LATS2: variants seen among roughly 807,000 people sequenced by gnomAD.
LATS2 encodes the protein large tumor suppressor kinase 2, also known as serine/threonine-protein kinase LATS2.
A neutral mutation model predicts 76.0 loss-of-function variants in LATS2; 24 were observed. That is an observed-to-expected ratio of 0.32 (90% confidence interval 0.23 to 0.44). The LOEUF (loss-of-function observed/expected upper bound fraction) is 0.44, where lower values mean the gene tolerates loss of function less well. Among genes scored for constraint, LATS2 ranks in the 20% least tolerant of loss-of-function variants. The pLI is 1.00. For missense variants in LATS2, 1,286 were observed against 1,481.2 expected, an observed-to-expected ratio of 0.87 and a Z score of 2.16; for synonymous variants, 692 against 635.4, an observed-to-expected ratio of 1.09 and a Z score of -1.34.
chr13:20,997,519 C>T (rs190932282), intron 2 of LATS2, among the ~76,000 whole-genome samples: 3 of 152,338 alleles, frequency 2.0e-5, no homozygotes, highest in Admixed American at 6.5e-5. Flanking sequence ...ACCCCAGCTC[C>T]AAACCTCCCC....
At chr13:21,045,514 C>T (rs533553782) in intron 2 of LATS2, among the ~76,000 whole-genome samples, 171 bp downstream of exon 2, 6 of 152,300 alleles carry the variant, frequency 3.9e-5, no homozygotes, top group South Asian at 4.1e-4. Flanking sequence ...GGTAGAGAAC[C>T]TTCAATTGTG....
At chr13:21,049,280 T>C (rs1158617596) in intron 1 of LATS2, among the ~76,000 whole-genome samples, 1 of 152,186 alleles carries the variant, frequency 6.6e-6, no homozygotes, top group South Asian at 2.1e-4. Context: ...TCACTGCCTA[T>C]GGTTCAGCTA....
rs571394727 is a variant in LATS2, at chr13:20,988,628, C to T, written c.1152G>A (p.Pro384=). Residue 384 remains proline, a synonymous_variant, in exon 4 of 8, where the codon CCG becomes CCA. Transcript: ENST00000382592. ...TLARRDSLQK[P]GLEAPPRAHV... Reference sequence around the variant, plus strand: ...GCGCGCGCGGCGGCGCCTCCAGGCCCGGCTTCTGCAGGGAGTCCCGGCGGG... The same window carrying T: ...GCGCGCGCGGCGGCGCCTCCAGGCCTGGCTTCTGCAGGGAGTCCCGGCGGG... 14 of 1,587,934 alleles carry T rather than the reference C, an allele frequency of 8.8e-6. No homozygotes were observed. The highest frequency in any genetic ancestry group is 6.7e-5 in the African/African-American group (5 of 74,212).
At chr13:21,036,818 T>C (rs779621749) in intron 2 of LATS2, among the ~76,000 whole-genome samples, 7 of 152,118 alleles carry the variant, frequency 4.6e-5, no homozygotes, top group Non-Finnish European at 8.8e-5. Flanking sequence ...AAAAGCCAAC[T>C]ATTAAACTGA....
intron 7 of LATS2, among the ~76,000 whole-genome samples, chr13:20,977,576 T>C (rs1470946230): frequency 6.6e-6 from 1 of 151,732 alleles, no homozygotes; most frequent in African/African-American, 2.4e-5. Flanking sequence ...CACTGAATTA[T>C]ACACTAAAAT....
At chr13:21,056,412 T>C (rs1873452750) in intron 1 of LATS2, among the ~76,000 whole-genome samples, 1 of 152,204 alleles carries the variant, frequency 6.6e-6, no homozygotes, top group Non-Finnish European at 1.5e-5. Context: ...GACAGCTTTG[T>C]ACATTATATT....
chr13:20,999,479 C>CT (rs570863849), intron 2 of LATS2, among the ~76,000 whole-genome samples: 251 of 151,484 alleles, frequency 1.7e-3, no homozygotes, highest in Middle Eastern at 3.4e-3. Flanking sequence ...TTTTCTTTTT[C>CT]TTTTTTTTTG....
At chr13:21,052,634 G>C (rs745306395) in intron 1 of LATS2, among the ~76,000 whole-genome samples, 10 of 152,124 alleles carry the variant, frequency 6.6e-5, no homozygotes, top group Admixed American at 5.9e-4. Flanking sequence ...TAACAGGCGC[G>C]GGCTACCATG....
chr13:21,047,007 T>A (rs1436417850), intron 1 of LATS2, among the ~76,000 whole-genome samples: 1 of 152,136 alleles, frequency 6.6e-6, no homozygotes, highest in East Asian at 1.9e-4. Flanking sequence ...GAACATCAAA[T>A]GATCATGTGG....
intron 1 of LATS2, among the ~76,000 whole-genome samples, chr13:21,048,032 A>G (rs1873134265): frequency 6.6e-6 from 1 of 152,244 alleles, no homozygotes; most frequent in Non-Finnish European, 1.5e-5. Flanking sequence ...ACATTGAGCT[A>G]TTAGATCCAG....
intron 2 of LATS2, among the ~76,000 whole-genome samples, chr13:21,007,820 C>T (rs1373871332): frequency 3.5e-5 from 4 of 115,670 alleles, no homozygotes; most frequent in Admixed American, 9.7e-5. Context: ...AGTGCAGTGG[C>T]GCAATCTTGG....
At position 20,984,085 on chromosome 13, in the gene LATS2, C is replaced by A. The variant is rs111393982; in HGVS notation, c.1900-279G>T. 8.5e-4 allele frequency among the ~76,000 whole-genome samples: 129 copies of A among 152,292 alleles called. 1 individual carries two copies. The highest frequency in any genetic ancestry group is 3.0e-3 in the African/African-American group (126 of 41,556). On this transcript the variant is annotated intron_variant, in intron 4 of 7. Transcript: ENST00000382592. Reference sequence around the variant, plus strand: ...AGCTGGGACTACATGTGCCCGCCACCATGACACCTGGCTAATTTTTGTATT... The same window carrying A: ...AGCTGGGACTACATGTGCCCGCCACAATGACACCTGGCTAATTTTTGTATT...
chr13:20,975,060 G>A lies in LATS2; in HGVS notation c.3077C>T (p.Thr1026Ile), dbSNP rs199543001. The A allele has an allele frequency of 5.0e-6, 8 of 1,614,236 alleles. No individual in the cohort carries two copies. The East Asian group carries it at 1.1e-4, about 22-fold the overall frequency. ...CTCAGGATGCTTGTTATTGGGCGAG[G>A]TGAGTGTGTCCCAGGCCTTGGTGCT... ...EGSTKAWDTLTSPNNKHPEHA... is the reference protein window; with the variant it reads ...EGSTKAWDTLISPNNKHPEHA... Residue 1026 changes from threonine (T) to isoleucine (I), a missense_variant, in exon 8 of 8, where the codon ACC (threonine) becomes ATC (isoleucine). Physicochemically the swap from Thr to Ile is moderately conservative, Grantham distance 89. Transcript: ENST00000382592.
At chr13:21,002,268 T>C (rs995980009) in intron 2 of LATS2, among the ~76,000 whole-genome samples, 5 of 152,190 alleles carry the variant, frequency 3.3e-5, no homozygotes, top group African/African-American at 1.2e-4. Context: ...AGATGGTTGG[T>C]TACACAACAG....
At chr13:21,038,919 G>A (rs1478013846) in intron 2 of LATS2, among the ~76,000 whole-genome samples, 2 of 152,158 alleles carry the variant, frequency 1.3e-5, no homozygotes, top group Non-Finnish European at 2.9e-5. Flanking sequence ...GGCGGAGGTT[G>A]TAATGAGCTG....
intron 2 of LATS2, among the ~76,000 whole-genome samples, chr13:20,999,776 A>T (rs572230736): frequency 6.6e-6 from 1 of 152,244 alleles, no homozygotes; most frequent in Admixed American, 6.5e-5. Context: ...GTTATAAAAT[A>T]AAATGAACAT....
chr13:21,048,853 A>G (rs1003626136), intron 1 of LATS2, among the ~76,000 whole-genome samples: 9 of 148,448 alleles, frequency 6.1e-5, no homozygotes, highest in Admixed American at 5.9e-4. Context: ...ATAAAAAATA[A>G]AAATAAAAAT....
At chr13:21,053,182 C>T (rs1873335037) in intron 1 of LATS2, among the ~76,000 whole-genome samples, 1 of 147,892 alleles carries the variant, frequency 6.8e-6, no homozygotes, top group South Asian at 2.2e-4. Context: ...ATGCAGTGAG[C>T]CGAGAACATG....
intron 2 of LATS2, among the ~76,000 whole-genome samples, chr13:21,036,155 C>T (rs984366410): frequency 1.1e-4 from 16 of 152,060 alleles, no homozygotes; most frequent in Admixed American, 9.2e-4. Flanking sequence ...CTCAGCCTCC[C>T]GAAGTGCTGG....
Sources: allele counts gnomAD v4.1 joint callset (sites outside exome capture counted in the v4.1 genomes callset), GRCh38; gene constraint gnomAD v4.1.1; transcripts MANE v1.5; gene names NCBI Gene and HGNC (gene_info 2026-07-23, HGNC 2026-07-21).